Variants in AHSG observed in about 807,000 individuals in gnomAD.
The protein encoded by AHSG is alpha 2-HS glycoprotein.
A neutral mutation model predicts 30.1 loss-of-function variants in AHSG; 23 were observed. That is an observed-to-expected ratio of 0.76 (90% CI 0.55 to 1.08). AHSG has a LOEUF of 1.08. Among genes scored for constraint, AHSG ranks in the 50% least tolerant of loss-of-function variants. The pLI, the probability that AHSG is intolerant of heterozygous loss-of-function variation, is 0.00. For synonymous variants in AHSG, 164 were observed against 186.3 expected (o/e 0.88, Z 0.98); for missense variants, 469 against 459.5 (o/e 1.02, Z -0.19).
chr3:186,613,968 T>C (rs1008335609), intron 1 of AHSG, among the ~76,000 whole-genome samples: 1 of 151,930 alleles, frequency 6.6e-6, no homozygotes, highest in East Asian at 1.9e-4. Flanking sequence ...AATTACTAAG[T>C]CTTCAGGCTG....
Position 186,618,525 on chromosome 3 carries a change from A to T in AHSG, c.574-11A>T, listed in dbSNP as rs764705721. The T allele has an allele frequency of 1.2e-6, 2 of 1,611,700 alleles. No homozygotes were observed. The highest frequency in any genetic ancestry group is 1.7e-6 in the Non-Finnish European group (2 of 1,178,310). The stretch of plus-strand genomic sequence containing the variant: ...TCTTTCCTCAAGAGCATTTTCATGT[A>T]CTCTTCTCAGCCCCTCCCACCTTCT... On this transcript the variant is annotated splice_polypyrimidine_tract_variant and intron_variant, in intron 4 of 6. Coordinates refer to ENST00000411641, the MANE Select transcript of AHSG (RefSeq NM_001622.4).
chr3:186,618,973 T>C lies in AHSG; in HGVS notation c.675+336T>C, dbSNP rs144177099. Among the ~76,000 whole-genome samples the C allele has an allele frequency of 2.8e-3, 434 of 152,306 alleles. 4 individuals are homozygous for C. The highest frequency in any genetic ancestry group is 1.0e-2 in the African/African-American group (415 of 41,552). On this transcript the variant is annotated intron_variant, in intron 5 of 6. Coordinates refer to ENST00000411641, the MANE Select transcript of AHSG (RefSeq NM_001622.4). ...AAAAGCTTTCAAGTCCTTGAGCCAA[T>C]AATGTACACTTCTAGGATTTTAGTC...
chr3:186,620,029 T>TGTATTCTTGCCTACACCTTCAGAATACAA, intron 6 of AHSG, 89 bp downstream of exon 6: 2 of 938,702 alleles, frequency 2.1e-6, no homozygotes, highest in Non-Finnish European at 3.2e-6. Flanking sequence ...GACAGGACAT[T>TGTATTCTTGCCTACACCTTCAGAATACAA]TGCTCTCCTG....
intron 2 of AHSG, 87 bp downstream of exon 2, chr3:186,615,882 G>A (rs1716289055): frequency 8.1e-7 from 1 of 1,237,834 alleles, no homozygotes; most frequent in Non-Finnish European, 1.2e-6. Context: ...TTCTTGGCTA[G>A]CCAGGGTGCA....
Position 186,621,105 on chromosome 3 carries a change from G to C in AHSG, c.*175G>C, listed in dbSNP as rs534069741. The C allele has an allele frequency of 1.6e-6, 1 of 641,094 alleles. No individual in the cohort carries two copies. The highest frequency in any genetic ancestry group is 2.1e-5 in the South Asian group (1 of 48,150). The allele number at this position is 641,094 out of a possible 1,614,324, so 39.7% of individuals were successfully genotyped here. A position where few individuals can be genotyped will look rare whatever the true frequency, so the allele number is the denominator to read the frequency against. ...CGTCATTCCTCACAGGACAGAAGCA[G>C]AGTGGGTGGTGGTTATGTTTGACAG... On this transcript the variant is annotated 3_prime_UTR_variant, in exon 7 of 7. Coordinates refer to ENST00000411641, the MANE Select transcript of AHSG (RefSeq NM_001622.4).
Position 186,620,765 on chromosome 3 carries a change from C to T in AHSG, c.939C>T (p.His313=). 6.2e-7 allele frequency: 1 copy of T among 1,614,222 alleles called. No individual in the cohort carries two copies. Among genetic ancestry groups the T allele is most frequent in the Non-Finnish European group, 8.5e-7 (1 of 1,180,048 alleles). Residue 313 remains histidine (H), a synonymous_variant, in exon 7 of 7, where the codon CAC becomes CAT. Coordinates refer to ENST00000411641, the MANE Select transcript of AHSG (RefSeq NM_001622.4). ...CAGGACACCAGTTGCACCGGGCGCA[C>T]TACGACCTGCGCCACACCTTCATGG... is the stretch of plus-strand genomic sequence containing the variant. The part of the protein sequence containing the change: ...APPGHQLHRA[H]YDLRHTFMGV...
intron 1 of AHSG, among the ~76,000 whole-genome samples, chr3:186,613,849 A>G (rs919583157): frequency 1.3e-5 from 2 of 151,776 alleles, no homozygotes; most frequent in Admixed American, 1.3e-4. Flanking sequence ...TGTGTGGTAC[A>G]TATATTGTTC....
intron 5 of AHSG, 50 bp from the exon 6 acceptor site, chr3:186,619,807 G>T: frequency 1.4e-6 from 2 of 1,462,688 alleles, no homozygotes; most frequent in South Asian, 2.4e-5. Flanking sequence ...AAATTGGGGG[G>T]GATCCATTTT....
At chr3:186,618,239 G>A (rs1716369531) in intron 4 of AHSG, among the ~76,000 whole-genome samples, 1 of 152,166 alleles carries the variant, frequency 6.6e-6, no homozygotes, top group Non-Finnish European at 1.5e-5. Context: ...TCAGTCTAAT[G>A]CTGGCCTTCT....
intron 6 of AHSG, 121 bp downstream of exon 6, chr3:186,620,061 G>A (rs1490081653): frequency 1.5e-6 from 1 of 665,120 alleles, no homozygotes; most frequent in Non-Finnish European, 2.5e-6. Context: ...CTCACAGTAT[G>A]AAATAACACT....
At chr3:186,619,449 T>C (rs1356887235) in intron 5 of AHSG, among the ~76,000 whole-genome samples, 1 of 152,116 alleles carries the variant, frequency 6.6e-6, no homozygotes, top group Non-Finnish European at 1.5e-5. Flanking sequence ...CATCAGTAAA[T>C]AGAAAATTGT....
chr3:186,618,574 T>C lies in AHSG; in HGVS notation c.612T>C (p.Ser204=). The C allele has an allele frequency of 1.2e-6, 2 of 1,614,152 alleles. No homozygotes were observed. Among genetic ancestry groups the C allele is most frequent in the Non-Finnish European group, 1.7e-6 (2 of 1,179,984 alleles). ...PPSTYVEFTV[S]GTDCVAKEAT... ...CTACCTATGTGGAGTTTACAGTGTC[T>C]GGCACTGACTGTGTTGCTAAAGAGG... Residue 204 remains serine, a synonymous_variant, in exon 5 of 7, where the codon TCT becomes TCC. Transcript: ENST00000411641.
chr3:186,613,907 A>G (rs1209253244), intron 1 of AHSG, among the ~76,000 whole-genome samples: 1 of 150,434 alleles, frequency 6.6e-6, no homozygotes, highest in Non-Finnish European at 1.5e-5. Flanking sequence ...GTGTGTGTGC[A>G]GTTTTTTTGT....
intron 4 of AHSG, 62 bp downstream of exon 4, chr3:186,617,412 AC>A: frequency 6.2e-7 from 1 of 1,613,452 alleles, no homozygotes; most frequent in Non-Finnish European, 8.5e-7. Flanking sequence ...AATGTACTGT[AC>A]GTGGTGGAGC....
chr3:186,616,359 A>C (rs887633768), intron 2 of AHSG, 84 bp from the exon 3 acceptor site: 1 of 1,032,810 alleles, frequency 9.7e-7, no homozygotes, highest in South Asian at 1.5e-5. Flanking sequence ...TGCAAGGGTC[A>C]CCTTTGACAG....
At chr3:186,618,777 C>A in intron 5 of AHSG, 140 bp downstream of exon 5, 1 of 1,423,562 alleles carries the variant, frequency 7.0e-7, no homozygotes, top group South Asian at 1.5e-5. Flanking sequence ...TCACGGCAAG[C>A]CTTCTTTTAG....
chr3:186,613,639 G>A (rs150258376), intron 1 of AHSG, among the ~76,000 whole-genome samples: 1 of 152,204 alleles, frequency 6.6e-6, no homozygotes, highest in East Asian at 1.9e-4. Flanking sequence ...GTAACTTGCT[G>A]GAAAAACTAG....
Position 186,617,219 on chromosome 3 carries a change from GA to G in AHSG, c.443del (p.Asp148AlafsTer8). On this transcript the variant is annotated frameshift_variant, in exon 4 of 7. Coordinates refer to ENST00000411641, the MANE Select transcript of AHSG (RefSeq NM_001622.4). LOFTEE classifies it high-confidence loss of function. Reference sequence around the variant, plus strand: ...CGAGGACGTGCGCAAGGTGTGCCAAGACTGCCCCCTGCTGGCCCCGCTGAAC... The same window carrying G: ...CGAGGACGTGCGCAAGGTGTGCCAAGCTGCCCCCTGCTGGCCCCGCTGAAC... ...SAEDVRKVCQDCPLLAPLNDT... is the reference protein window; with the variant it reads ...SAEDVRKVCQXCPLLAPLNDT... 1 of 1,613,776 alleles carries G rather than the reference GA, an allele frequency of 6.2e-7. No individual in the cohort carries two copies. Among genetic ancestry groups the G allele is most frequent in the Non-Finnish European group, 8.5e-7 (1 of 1,179,996 alleles).
At chr3:186,613,405 A>T in intron 1 of AHSG, 51 bp downstream of exon 1, 1 of 1,475,698 alleles carries the variant, frequency 6.8e-7, no homozygotes. Context: ...ATGGAGCTCA[A>T]TCAGGTGCCT....
Sources: gnomAD v4.1 joint callset for allele counts (sites outside exome capture counted in the v4.1 genomes callset) on GRCh38, gnomAD v4.1.1 for gene constraint, MANE v1.5 for transcripts, NCBI Gene and HGNC (gene_info 2026-07-23, HGNC 2026-07-21) for gene names.